KANSL1L: variants seen among roughly 807,000 people sequenced by gnomAD.
KANSL1L encodes KAT8 regulatory NSL complex subunit 1-like protein.
KANSL1L carries 25 observed loss-of-function variants against 108.6 expected under a neutral mutation model. That is an observed-to-expected ratio of 0.23 (90% CI 0.17 to 0.32). The LOEUF (loss-of-function observed/expected upper bound fraction) is 0.32. KANSL1L is among the 10% of genes least tolerant of loss of function. The pLI, the probability that KANSL1L is intolerant of heterozygous loss-of-function variation, is 1.00. For missense variants in KANSL1L, 1,137 were observed against 1,125.7 expected (o/e 1.01, Z -0.14); for synonymous variants, 405 against 395.1 (o/e 1.03, Z -0.30).
At chr2:210,141,000 A>G (rs1469501440) in intron 2 of KANSL1L, among the ~76,000 whole-genome samples, 1 of 152,076 alleles carries the variant, frequency 6.6e-6, no homozygotes, top group African/African-American at 2.4e-5. Context: ...TATTTCTAAC[A>G]TTGTTTTGAT....
intron 3 of KANSL1L, among the ~76,000 whole-genome samples, chr2:210,117,437 C>G (rs952089931): frequency 6.6e-6 from 1 of 151,836 alleles, no homozygotes; most frequent in Non-Finnish European, 1.5e-5. Context: ...AGAAAAGTAC[C>G]TCAAGACATT....
At chr2:210,070,029 A>G (rs2094495489) in intron 6 of KANSL1L, among the ~76,000 whole-genome samples, 1 of 150,122 alleles carries the variant, frequency 6.7e-6, no homozygotes, top group Non-Finnish European at 1.5e-5. Flanking sequence ...GGGTTTCACC[A>G]TGTTGGTCAG....
chr2:210,032,499 C>T (rs529370930), intron 8 of KANSL1L: 2 of 152,350 alleles, frequency 1.3e-5, no homozygotes, highest in African/African-American at 4.8e-5. Context: ...TAAAGGTGCT[C>T]TAGACCCACA....
At chr2:210,030,050 AC>A in intron 9 of KANSL1L, 132 bp from the exon 10 acceptor site, 1 of 449,310 alleles carries the variant, frequency 2.2e-6, no homozygotes, top group Non-Finnish European at 3.9e-6. Flanking sequence ...GTATTAGAAA[AC>A]AAAAAAGGAA....
At chr2:210,170,557 GAC>G (rs1688272269) in intron 1 of KANSL1L, 1 of 164,296 alleles carries the variant, frequency 6.1e-6, no homozygotes, top group African/African-American at 2.4e-5. Flanking sequence ...GCACACCGGT[GAC>G]ACAAACTTGG....
rs1559539751 is a variant in KANSL1L, at chr2:210,079,652, A to ATATGTGTG, written c.1551-3897_1551-3896insCACACATA. Reference sequence around the variant, plus strand: ...TATATATATATATATATATATATATATATATATATATATGTATGTGTGTAT... The same window carrying ATATGTGTG: ...TATATATATATATATATATATATATATATGTGTGTATATATATATATGTATGTGTGTAT... On this transcript the variant is annotated intron_variant, in intron 5 of 14. Transcript: ENST00000281772. Among the ~76,000 whole-genome samples the ATATGTGTG allele has an allele frequency of 5.0e-4, 10 of 20,176 alleles. 1 individual carries two copies. The highest frequency in any genetic ancestry group is 4.2e-3 in the Admixed American group (4 of 950). 13.2% of individuals were successfully genotyped at this position (20,176 alleles called of 152,430 possible).
intron 4 of KANSL1L, among the ~76,000 whole-genome samples, chr2:210,101,383 G>A (rs184241978): frequency 2.8e-4 from 43 of 152,276 alleles, no homozygotes; most frequent in Admixed American, 9.8e-4. Context: ...TAAAAAAACT[G>A]GGGATATCAA....
chr2:210,080,928 GA>G (rs2125346991), intron 5 of KANSL1L, among the ~76,000 whole-genome samples: 1 of 151,938 alleles, frequency 6.6e-6, no homozygotes, highest in East Asian at 1.9e-4. Flanking sequence ...CCAACATGGT[GA>G]AACCCTGTCT....
chr2:210,027,233 C>T (rs1176338465), intron 12 of KANSL1L, 63 bp downstream of exon 12: 6 of 1,093,196 alleles, frequency 5.5e-6, no homozygotes, highest in African/African-American at 1.5e-5. Flanking sequence ...CCCTGAATGT[C>T]AAAGTAAGCA....
intron 3 of KANSL1L, among the ~76,000 whole-genome samples, chr2:210,111,553 G>A (rs1431218306): frequency 1.3e-5 from 2 of 152,138 alleles, no homozygotes; most frequent in African/African-American, 4.8e-5. Context: ...CCTACATTAT[G>A]ATCATAGTGA....
intron 7 of KANSL1L, among the ~76,000 whole-genome samples, chr2:210,042,114 A>G (rs2094170952): frequency 6.6e-6 from 1 of 152,220 alleles, no homozygotes; most frequent in South Asian, 2.1e-4. Context: ...AATTTGTGGG[A>G]AAACATGATC....
At chr2:210,083,569 A>G (rs960651684) in intron 5 of KANSL1L, among the ~76,000 whole-genome samples, 1 of 152,092 alleles carries the variant, frequency 6.6e-6, no homozygotes, top group Non-Finnish European at 1.5e-5. Flanking sequence ...CAGATAACCC[A>G]ATGGCATTTA....
chr2:210,149,177 AAGAG>A (rs1470523709), intron 2 of KANSL1L, among the ~76,000 whole-genome samples: 3 of 152,202 alleles, frequency 2.0e-5, no homozygotes, highest in Non-Finnish European at 4.4e-5. Context: ...CCATATATAG[AAGAG>A]AGAAATTTCA....
chr2:210,055,360 T>C (rs2094339021), intron 6 of KANSL1L, among the ~76,000 whole-genome samples: 1 of 152,080 alleles, frequency 6.6e-6, no homozygotes, highest in African/African-American at 2.4e-5. Context: ...ACACAGTAAA[T>C]TGGTACTGCA....
intron 6 of KANSL1L, among the ~76,000 whole-genome samples, chr2:210,054,062 A>T (rs2094322445): frequency 6.6e-6 from 1 of 152,150 alleles, no homozygotes; most frequent in South Asian, 2.1e-4. Flanking sequence ...CACACCTGTA[A>T]TCCCAGCACT....
chr2:210,136,387 T>C lies in KANSL1L; in HGVS notation c.1089-7215A>G, dbSNP rs567677911. ...TGTATGGAAAGAATTTTCAAAGTTA[T>C]AGCCTGTAAAATAGTCTTAAATATG... On this transcript the variant is annotated intron_variant, in intron 2 of 14. Coordinates refer to ENST00000281772, the MANE Select transcript of KANSL1L (RefSeq NM_152519.4). Among the ~76,000 whole-genome samples, 252 of 152,338 alleles carry C rather than the reference T, an allele frequency of 1.7e-3. 1 individual carries two copies. The highest frequency in any genetic ancestry group is 3.0e-3 in the Non-Finnish European group (203 of 68,030).
At chr2:210,127,260 G>A (rs2095074717) in intron 3 of KANSL1L, among the ~76,000 whole-genome samples, 1 of 152,000 alleles carries the variant, frequency 6.6e-6, no homozygotes, top group South Asian at 2.1e-4. Flanking sequence ...AATGAAACTG[G>A]ACCCTTACCT....
intron 4 of KANSL1L, among the ~76,000 whole-genome samples, chr2:210,101,948 C>T (rs2094797712): frequency 6.6e-6 from 1 of 152,168 alleles, no homozygotes; most frequent in Admixed American, 6.5e-5. Flanking sequence ...AATGATGCAA[C>T]TATGGTGAAG....
rs534724048 is a variant in KANSL1L, at chr2:210,144,347, A to T, written c.1088+9148T>A. ...TTTGACTCTCCTTTACCCCGATGTG[A>T]CTATCTCTCCCCAGATTTGTGACGT... On this transcript the variant is annotated intron_variant, in intron 2 of 14. Transcript: ENST00000281772. Among the ~76,000 whole-genome samples, 11 of 152,276 alleles carry T rather than the reference A, an allele frequency of 7.2e-5. No homozygotes were observed. The South Asian group carries it at 2.1e-3, about 29-fold the overall frequency.
Sources: allele counts gnomAD v4.1 joint callset (sites outside exome capture counted in the v4.1 genomes callset), GRCh38; gene constraint gnomAD v4.1.1; transcripts MANE v1.5; gene names NCBI Gene and HGNC (gene_info 2026-07-23, HGNC 2026-07-21).